Variants in SMG6 observed in about 807,000 individuals in gnomAD.
The protein encoded by SMG6 is telomerase-binding protein EST1A.
In SMG6, 66 loss-of-function variants were observed where a neutral mutation model predicts 142.2. The observed-to-expected ratio is 0.46, with a 90% CI of 0.38 to 0.57. The LOEUF is 0.57. Ranked by LOEUF, SMG6 falls within the 20% of genes least tolerant of loss-of-function variation. The pLI is 0.00. For synonymous variants in SMG6, 779 were observed against 702.4 expected, an observed-to-expected ratio of 1.11 and a Z score of -1.72; for missense variants, 1,793 against 1,832.0, an observed-to-expected ratio of 0.98 and a Z score of 0.39.
intron 8 of SMG6, among the ~76,000 whole-genome samples, chr17:2,269,491 A>G (rs1296889394): frequency 6.6e-6 from 1 of 152,078 alleles, no homozygotes; most frequent in Non-Finnish European, 1.5e-5. Flanking sequence ...AAGCAAATAC[A>G]ACAAGTTGAG....
chr17:2,140,373 T>A (rs1417720378), intron 13 of SMG6, among the ~76,000 whole-genome samples: 3 of 152,234 alleles, frequency 2.0e-5, no homozygotes, highest in East Asian at 1.9e-4. Context: ...TTTATTTTTT[T>A]AAATTCTTCA....
chr17:2,216,365 G>A (rs547396481), intron 10 of SMG6, among the ~76,000 whole-genome samples: 4 of 152,222 alleles, frequency 2.6e-5, no homozygotes, highest in Admixed American at 2.6e-4. Context: ...TAAGAAAAGG[G>A]GGGGAAAAAG....
chr17:2,258,008 CAAAAAAAAAAAAA>C (rs869066817), intron 8 of SMG6, among the ~76,000 whole-genome samples: 2 of 26,666 alleles, frequency 7.5e-5, no homozygotes, highest in Admixed American at 4.8e-4. Flanking sequence ...GACTCTGTCG[CAAAAAAAAAAAAA>C]AAAAAAAAAA....
intron 10 of SMG6, among the ~76,000 whole-genome samples, chr17:2,208,709 A>G (rs905062986): frequency 2.0e-5 from 3 of 152,270 alleles, no homozygotes; most frequent in Non-Finnish European, 4.4e-5. Context: ...TGCTTATGCT[A>G]TCAACTATAA....
intron 13 of SMG6, among the ~76,000 whole-genome samples, chr17:2,152,985 T>C (rs1379596358): frequency 6.6e-6 from 1 of 152,228 alleles, no homozygotes; most frequent in Non-Finnish European, 1.5e-5. Flanking sequence ...AATGGAATAC[T>C]ACTCTGCAAC....
chr17:2,226,721 C>G (rs1213382918), intron 10 of SMG6, among the ~76,000 whole-genome samples: 1 of 152,064 alleles, frequency 6.6e-6, no homozygotes, highest in Admixed American at 6.6e-5. Context: ...ATGGTGAAAC[C>G]CCGTATCTAC....
At chr17:2,063,961 T>C (rs1220023209) in intron 18 of SMG6, among the ~76,000 whole-genome samples, 1 of 152,130 alleles carries the variant, frequency 6.6e-6, no homozygotes, top group African/African-American at 2.4e-5. Context: ...TCCCAAGGGA[T>C]ATGGCATGCA....
In SMG6 at chr17:2,299,930, C is replaced by T. The variant is rs1454265436; in HGVS notation, c.823G>A (p.Asp275Asn). 12 of 1,614,036 alleles carry T rather than the reference C, an allele frequency of 7.4e-6. No individual in the cohort carries two copies. Among genetic ancestry groups the T allele is most frequent in the East Asian group, 6.7e-5 (3 of 44,888 alleles). The change falls in exon 2 of 19, where the codon GAT becomes AAT. Residue 275 changes from aspartate to asparagine, a missense_variant. Physicochemically the swap from Asp to Asn is conservative, Grantham distance 23. This residue lies in a region of SMG6 where 1,597 missense variants were observed against 1,584.6 expected (regional missense o/e 1.01). Transcript: ENST00000263073. This position sits in a 1 kb window ranked among gnomAD's most constrained non-coding sequence, Gnocchi z 4.3. ...NNSAEGAGLTDNGCRRRRQDR... is the reference protein window; with the variant it reads ...NNSAEGAGLTNNGCRRRRQDR... ...TGTCGGCGGCGGCGACATCCATTAT[C>T]CGTCAGGCCAGCTCCCTCAGCGCTG...
chr17:2,294,288 T>C (rs2151401335), intron 4 of SMG6, among the ~76,000 whole-genome samples: 1 of 152,360 alleles, frequency 6.6e-6, no homozygotes, highest in South Asian at 2.1e-4. Flanking sequence ...AAGAATCCTC[T>C]GTATTTAACT....
intron 9 of SMG6, chr17:2,237,577 G>A: frequency 1.0e-6 from 1 of 985,398 alleles, no homozygotes; most frequent in Non-Finnish European, 1.2e-6. Flanking sequence ...ATCGGGGTCT[G>A]TATGTTTTCA....
At chr17:2,291,310 G>A (rs535580363) in intron 6 of SMG6, among the ~76,000 whole-genome samples, 13 of 151,134 alleles carry the variant, frequency 8.6e-5, no homozygotes, top group South Asian at 2.1e-4. Context: ...CAGCCTGAGC[G>A]ACAGAGCGAG....
chr17:2,298,141 A>ACCTCC (rs1306907032), intron 2 of SMG6, 86 bp from the exon 3 acceptor site: 1 of 1,231,070 alleles, frequency 8.1e-7, no homozygotes, highest in East Asian at 2.5e-5. Context: ...CAAATTAACC[A>ACCTCC]CCTCCCCTGG....
At chr17:2,061,981 C>T (rs2067794233) in intron 18 of SMG6, 1 of 183,780 alleles carries the variant, frequency 5.4e-6, no homozygotes, top group Admixed American at 5.7e-5. Flanking sequence ...CAGATCACAA[C>T]ACCGCTCTCC....
At chr17:2,207,420 G>A (rs1271342101) in intron 10 of SMG6, among the ~76,000 whole-genome samples, 2 of 152,150 alleles carry the variant, frequency 1.3e-5, no homozygotes, top group Non-Finnish European at 2.9e-5. Context: ...TCAACATTCT[G>A]TACATGACAC....
chr17:2,195,649 G>A (rs566035132), intron 10 of SMG6, among the ~76,000 whole-genome samples: 5 of 152,278 alleles, frequency 3.3e-5, no homozygotes, highest in African/African-American at 9.6e-5. Flanking sequence ...ACTGTGGCCA[G>A]ACATAATAAC....
At chr17:2,255,146 T>C (rs1172508364) in intron 8 of SMG6, among the ~76,000 whole-genome samples, 1 of 152,022 alleles carries the variant, frequency 6.6e-6, no homozygotes, top group African/African-American at 2.4e-5. Flanking sequence ...GGCTCACACC[T>C]GTAATCCCAG....
At chr17:2,302,030 A>C (rs2075290073) in intron 1 of SMG6, among the ~76,000 whole-genome samples, 1 of 152,008 alleles carries the variant, frequency 6.6e-6, no homozygotes, top group Non-Finnish European at 1.5e-5. Context: ...AGGCGGGAGG[A>C]CTGCTTGAGG....
Position 2,071,652 on chromosome 17 carries a change from C to T in SMG6, c.3682-2721G>A, listed in dbSNP as rs2068103479. Among the ~76,000 whole-genome samples the T allele has an allele frequency of 6.6e-6, 1 of 152,196 alleles. No individual in the cohort carries two copies. Among genetic ancestry groups the T allele is most frequent in the South Asian group, 2.1e-4 (1 of 4,836 alleles). On this transcript the variant is annotated intron_variant, in intron 15 of 18. Transcript: ENST00000263073. The surrounding 1 kb of genome is among the most constrained non-coding windows in gnomAD (Gnocchi z 5.6). ...TGCCCAGTGAGTCACCAAACAACTGCTTCCTGTTCCCCGCATGCCCTCATG... is the reference window on the plus strand; with the variant it reads ...TGCCCAGTGAGTCACCAAACAACTGTTTCCTGTTCCCCGCATGCCCTCATG...
chr17:2,264,947 T>C (rs566422373), intron 8 of SMG6, among the ~76,000 whole-genome samples: 141 of 151,992 alleles, frequency 9.3e-4, no homozygotes, highest in Non-Finnish European at 1.3e-3. Flanking sequence ...TCCACCCTAC[T>C]GAAAACTCTC....
Sources: allele counts gnomAD v4.1 joint callset (sites outside exome capture counted in the v4.1 genomes callset), GRCh38; gene constraint gnomAD v4.1.1; regional missense constraint gnomAD v4.1.1; non-coding constraint Gnocchi (gnomAD v3.1); transcripts MANE v1.5; gene names NCBI Gene and HGNC (gene_info 2026-07-23, HGNC 2026-07-21).